The following PHTF1 variants were observed in gnomAD, a reference collection of about 807,000 sequenced individuals.
PHTF1 encodes the protein protein PHTF1.
Under a neutral mutation model 102.4 loss-of-function variants are expected in PHTF1, and 88 were observed. That is an observed-to-expected ratio of 0.86 (90% CI 0.72 to 1.03). The LOEUF (loss-of-function observed/expected upper bound fraction) is 1.03, where lower values mean the gene tolerates loss of function less well. Ranked by LOEUF, PHTF1 falls within the 50% of genes least tolerant of loss-of-function variation. The probability of loss-of-function intolerance (pLI) is 0.00; values close to 1 mark genes in which losing one functional copy is unlikely to be tolerated. For synonymous variants in PHTF1, 289 were observed against 305.2 expected (o/e 0.95, Z 0.55); for missense variants, 814 against 909.5 (o/e 0.89, Z 1.35).
chr1:113,726,119 A>G (rs1653790932), intron 6 of PHTF1, among the ~76,000 whole-genome samples: 1 of 152,198 alleles, frequency 6.6e-6, no homozygotes, highest in African/African-American at 2.4e-5. Context: ...ACTGAATTTC[A>G]AAGAGAATGT....
At chr1:113,740,151 A>G (rs1656132207) in intron 3 of PHTF1, among the ~76,000 whole-genome samples, 1 of 152,138 alleles carries the variant, frequency 6.6e-6, no homozygotes, top group Non-Finnish European at 1.5e-5. Flanking sequence ...GAACCACGAG[A>G]CTGTTTTTCA....
chr1:113,714,929 G>C (rs931561939), intron 7 of PHTF1: 6 of 152,322 alleles, frequency 3.9e-5, no homozygotes, highest in African/African-American at 1.4e-4. Context: ...AGCACAGAGA[G>C]AAAGAGACTC....
intron 10 of PHTF1, 110 bp downstream of exon 10, chr1:113,711,636 G>A (rs1224255700): frequency 1.3e-6 from 1 of 741,748 alleles, no homozygotes; most frequent in African/African-American, 1.7e-5. Flanking sequence ...GACAGGGAAG[G>A]GCTGGCAAAT....
intron 18 of PHTF1, 101 bp downstream of exon 18, chr1:113,698,161 A>G: frequency 3.0e-6 from 1 of 338,416 alleles, no homozygotes; most frequent in Non-Finnish European, 4.9e-6. Context: ...AAACACACAC[A>G]CACACACACA....
chr1:113,721,852 G>A (rs1214238706), intron 7 of PHTF1, among the ~76,000 whole-genome samples: 1 of 151,714 alleles, frequency 6.6e-6, no homozygotes, highest in East Asian at 2.0e-4. Context: ...ACCACGCCCG[G>A]CTAATTTTTT....
chr1:113,727,843 T>C (rs1432894413), intron 5 of PHTF1, among the ~76,000 whole-genome samples: 1 of 152,056 alleles, frequency 6.6e-6, no homozygotes, highest in Non-Finnish European at 1.5e-5. Context: ...GGCACGCGCC[T>C]GTGGTCCCAC....
chr1:113,703,158 A>G (rs898652856), intron 15 of PHTF1, among the ~76,000 whole-genome samples: 3 of 152,266 alleles, frequency 2.0e-5, no homozygotes, highest in Non-Finnish European at 4.4e-5. Flanking sequence ...GTAAGGATGT[A>G]GGTAATTTGA....
At chr1:113,715,122 A>C (rs1353086047) in intron 7 of PHTF1, 1 of 152,300 alleles carries the variant, frequency 6.6e-6, no homozygotes, top group East Asian at 1.9e-4. Context: ...AAAGACTTAG[A>C]TCACAATGCC....
At chr1:113,749,717 A>C (rs564326047) in intron 3 of PHTF1, 9 of 152,368 alleles carry the variant, frequency 5.9e-5, no homozygotes, top group Admixed American at 2.0e-4. Flanking sequence ...CCTACAGATT[A>C]TACCTGATAC....
intron 10 of PHTF1, among the ~76,000 whole-genome samples, chr1:113,710,879 C>T (rs757078396): frequency 9.4e-5 from 14 of 149,684 alleles, no homozygotes; most frequent in Non-Finnish European, 1.5e-4. Flanking sequence ...CTCCTGGTCT[C>T]AAGCTATCCA....
In PHTF1 at chr1:113,759,094, C is replaced by A; in HGVS notation, c.-102G>T. On this transcript the variant is annotated 5_prime_UTR_variant, in exon 1 of 19. Transcript: ENST00000369604. ...AGTGCCCGGGGTCCCACCGTGAGGC[C>A]GGGGGCGAGGCGGCGGGCCAGGCAG... 9.1e-6 allele frequency: 9 copies of A among 991,506 alleles called. No individual in the cohort carries two copies. Among genetic ancestry groups the A allele is most frequent in the Non-Finnish European group, 1.1e-5 (9 of 834,318 alleles). 61.4% of individuals were successfully genotyped at this position (991,506 alleles called of 1,614,324 possible). A position where few individuals can be genotyped will look rare whatever the true frequency, so the allele number is the denominator to read the frequency against.
intron 12 of PHTF1, 108 bp downstream of exon 12, chr1:113,706,486 G>A (rs1650199895): frequency 1.4e-6 from 1 of 731,190 alleles, no homozygotes; most frequent in Non-Finnish European, 2.1e-6. Flanking sequence ...ATATATATGT[G>A]CTTCAAAAGC....
intron 3 of PHTF1, among the ~76,000 whole-genome samples, chr1:113,744,597 A>C (rs1656917920): frequency 6.6e-6 from 1 of 152,206 alleles, no homozygotes. Context: ...GAAAAATAGT[A>C]TCTAACCTGA....
At position 113,724,515 on chromosome 1, in the gene PHTF1, T is replaced by C. The variant is rs539627916; in HGVS notation, c.623+244A>G. Among the ~76,000 whole-genome samples, 24 of 136,350 alleles carry C rather than the reference T, an allele frequency of 1.8e-4. No individual in the cohort carries two copies. The Admixed American group carries it at 1.9e-3, about 11-fold the overall frequency. 89.5% of individuals were successfully genotyped at this position (136,350 alleles called of 152,430 possible). Reference sequence around the variant, plus strand: ...AAGATCGTGCCATTGCACTCCAGCCTGGGTGAGAGAATGAGACTCCATTTC... The same window carrying C: ...AAGATCGTGCCATTGCACTCCAGCCCGGGTGAGAGAATGAGACTCCATTTC... On this transcript the variant is annotated intron_variant, in intron 7 of 18. Coordinates refer to ENST00000369604, the MANE Select transcript of PHTF1 (RefSeq NM_001323043.2).
chr1:113,734,110 A>G (rs1315397798), intron 5 of PHTF1, among the ~76,000 whole-genome samples: 1 of 152,110 alleles, frequency 6.6e-6, no homozygotes, highest in Non-Finnish European at 1.5e-5. Flanking sequence ...AAACACAAAA[A>G]TTAGTCAGGC....
intron 5 of PHTF1, among the ~76,000 whole-genome samples, chr1:113,734,321 A>T (rs894796353): frequency 6.6e-6 from 1 of 152,200 alleles, no homozygotes; most frequent in Non-Finnish European, 1.5e-5. Flanking sequence ...CTAGAGAAAA[A>T]GCCTCAATCT....
At position 113,704,775 on chromosome 1, in the gene PHTF1, A is replaced by G. The variant is rs758492091; in HGVS notation, c.1694T>C (p.Phe565Ser). 6.3e-7 allele frequency: 1 copy of G among 1,594,758 alleles called. No individual in the cohort carries two copies. Among genetic ancestry groups the G allele is most frequent in the Non-Finnish European group, 8.6e-7 (1 of 1,164,722 alleles). Residue 565 changes from phenylalanine (F) to serine (S), a missense_variant, in exon 14 of 19, where the codon TTC becomes TCC. Transcript: ENST00000369604. ...TTTCCTGGCAGAAGTAATATGGCTG[A>G]AGAGTTTTGCAAATAAAAATCTCTA... The part of the protein sequence containing the change: ...YKQRFLFAKL[F>S]SHITSARKAR...
intron 13 of PHTF1, among the ~76,000 whole-genome samples, chr1:113,705,289 A>C (rs777726574): frequency 3.9e-5 from 6 of 152,064 alleles, no homozygotes; most frequent in Non-Finnish European, 7.4e-5. Context: ...AAATACAAAA[A>C]ATTAGTCGGG....
intron 3 of PHTF1, among the ~76,000 whole-genome samples, chr1:113,753,723 CTT>C (rs879322976): frequency 3.1e-4 from 45 of 143,070 alleles, no homozygotes; most frequent in Non-Finnish European, 4.0e-4. Context: ...CGTGCCCAGC[CTT>C]TTTTTTTTTT....
Sources: allele counts gnomAD v4.1 joint callset (sites outside exome capture counted in the v4.1 genomes callset), GRCh38; gene constraint gnomAD v4.1.1; transcripts MANE v1.5; gene names NCBI Gene and HGNC (gene_info 2026-07-23, HGNC 2026-07-21).